Variants in ENPP6 observed in about 807,000 individuals in gnomAD.
ENPP6 encodes glycerophosphocholine cholinephosphodiesterase ENPP6.
In ENPP6, 32 loss-of-function variants were observed where a neutral mutation model predicts 42.0. The observed-to-expected ratio is 0.76, with a 90% CI of 0.58 to 1.02. The LOEUF is 1.02. Ranked by LOEUF, ENPP6 falls within the 50% of genes least tolerant of loss-of-function variation. The pLI is 0.00. For synonymous variants in ENPP6, 213 were observed against 216.0 expected (o/e 0.99, Z 0.12); for missense variants, 552 against 566.8 (o/e 0.97, Z 0.27).
intron 1 of ENPP6, among the ~76,000 whole-genome samples, chr4:184,189,756 G>T (rs761875634): frequency 6.6e-6 from 1 of 152,120 alleles, no homozygotes; most frequent in East Asian, 1.9e-4. Context: ...AAGCCACAAG[G>T]TTTAGATCTC....
chr4:184,117,174 A>G, intron 4 of ENPP6, 139 bp from the exon 5 acceptor site: 1 of 1,065,720 alleles, frequency 9.4e-7, no homozygotes, highest in East Asian at 2.6e-5. Context: ...TGCCCTGGTG[A>G]GACCCAGTTC....
At chr4:184,192,915 G>C (rs1247981251) in intron 1 of ENPP6, among the ~76,000 whole-genome samples, 1 of 152,114 alleles carries the variant, frequency 6.6e-6, no homozygotes, top group East Asian at 1.9e-4. Context: ...TCATAACCCT[G>C]GAATGGCTTT....
intron 1 of ENPP6, among the ~76,000 whole-genome samples, chr4:184,186,912 G>C (rs1043410854): frequency 2.0e-5 from 3 of 152,150 alleles, no homozygotes; most frequent in Non-Finnish European, 4.4e-5. Flanking sequence ...ACCCTCCAAA[G>C]GTGAGCCCCA....
At chr4:184,100,211 T>G (rs1735975343) in intron 6 of ENPP6, among the ~76,000 whole-genome samples, 1 of 152,242 alleles carries the variant, frequency 6.6e-6, no homozygotes, top group Non-Finnish European at 1.5e-5. Context: ...AACTGTGTGG[T>G]GTAAGTGATG....
intron 1 of ENPP6, among the ~76,000 whole-genome samples, chr4:184,200,098 G>A (rs890252961): frequency 2.6e-5 from 4 of 152,208 alleles, no homozygotes; most frequent in African/African-American, 9.7e-5. Context: ...CAGACCAATA[G>A]AAAGTGAAAG....
chr4:184,152,629 C>T (rs907900205), intron 2 of ENPP6, among the ~76,000 whole-genome samples: 2 of 152,204 alleles, frequency 1.3e-5, no homozygotes, highest in Non-Finnish European at 2.9e-5. Context: ...AAACTGACCA[C>T]TTACCTAAAT....
intron 1 of ENPP6, among the ~76,000 whole-genome samples, chr4:184,214,799 G>A (rs1335583036): frequency 6.6e-6 from 1 of 152,210 alleles, no homozygotes; most frequent in Admixed American, 6.5e-5. Context: ...CATGGACACA[G>A]GGAGGGGGAC....
chr4:184,196,937 C>G (rs1490176197), intron 1 of ENPP6, among the ~76,000 whole-genome samples: 2 of 152,192 alleles, frequency 1.3e-5, no homozygotes, highest in East Asian at 1.9e-4. Flanking sequence ...AAGACCCCCC[C>G]ACAGCTAGCC....
intron 2 of ENPP6, among the ~76,000 whole-genome samples, chr4:184,138,321 GC>G (rs906857585): frequency 2.6e-5 from 4 of 152,164 alleles, no homozygotes; most frequent in African/African-American, 9.7e-5. Context: ...TTCTTTGAAT[GC>G]CAAAATCACA....
At chr4:184,117,719 C>T (rs769245882) in intron 4 of ENPP6, 40 bp downstream of exon 4, 22 of 1,606,252 alleles carry the variant, frequency 1.4e-5, no homozygotes, top group Non-Finnish European at 1.9e-5. Context: ...CAGAGGGTGA[C>T]AGAGAGAAGG....
At chr4:184,154,990 A>C (rs1280180476) in intron 1 of ENPP6, among the ~76,000 whole-genome samples, 1 of 152,220 alleles carries the variant, frequency 6.6e-6, no homozygotes, top group African/African-American at 2.4e-5. Flanking sequence ...AATCTGAATA[A>C]ATGTCATGCC....
chr4:184,116,955 C>T lies in ENPP6; in HGVS notation c.756G>A (p.Val252=), dbSNP rs140503613. ...GGCTGATGTACTTATTCAGCTCAAT[C>T]ACTTTGTCCATCCAGAAAATGTCGG... ...GMTDIFWMDK[V]IELNKYISLN... Residue 252 remains valine (V), a synonymous_variant, in exon 5 of 8, where the codon GTG becomes GTA. Coordinates refer to ENST00000296741, the MANE Select transcript of ENPP6 (RefSeq NM_153343.4). 199 of 1,614,082 alleles carry T rather than the reference C, an allele frequency of 1.2e-4. No homozygotes were observed. The highest frequency in any genetic ancestry group is 1.6e-4 in the Middle Eastern group (1 of 6,082).
intron 1 of ENPP6, among the ~76,000 whole-genome samples, chr4:184,171,209 G>A (rs1465526335): frequency 6.6e-6 from 1 of 152,224 alleles, no homozygotes; most frequent in African/African-American, 2.4e-5. Context: ...GGATCTGCAG[G>A]CAGTTGATGC....
chr4:184,131,143 T>TTCTTTCTTTCTTTCTTTC (rs1736606083), intron 2 of ENPP6, among the ~76,000 whole-genome samples: 1 of 33,778 alleles, frequency 3.0e-5, no homozygotes, highest in Non-Finnish European at 6.0e-5. Flanking sequence ...AGCACTTACT[T>TTCTTTCTTTCTTTCTTTC]TCTTTCTTTC....
chr4:184,117,975 T>A, intron 3 of ENPP6, 75 bp from the exon 4 acceptor site: 1 of 1,523,090 alleles, frequency 6.6e-7, no homozygotes, highest in Non-Finnish European at 8.9e-7. Context: ...CCCATAGCAC[T>A]CTCTGAAGGT....
chr4:184,150,338 T>C (rs1291662947), intron 2 of ENPP6, among the ~76,000 whole-genome samples: 2 of 152,124 alleles, frequency 1.3e-5, no homozygotes, highest in African/African-American at 4.8e-5. Flanking sequence ...AAATATTGAC[T>C]TAATGGCGAA....
At chr4:184,116,471 A>C (rs1306798795) in intron 5 of ENPP6, among the ~76,000 whole-genome samples, 1 of 152,150 alleles carries the variant, frequency 6.6e-6, no homozygotes. Context: ...GTGGTGGCTC[A>C]CACCTGTAAT....
chr4:184,157,419 T>TTCTCTCTTTCCC lies in ENPP6; in HGVS notation c.242-3687_242-3686insGGGAAAGAGAGA, dbSNP rs149313850. On this transcript the variant is annotated intron_variant, in intron 1 of 7. Coordinates refer to ENST00000296741, the MANE Select transcript of ENPP6 (RefSeq NM_153343.4). ...AAATTCGTTCTTTCTCTTTCTTTCT[T>TTCTCTCTTTCCC]TCTTTCTTTCCTTTTCTTTCTTTCT... Among the ~76,000 whole-genome samples, 3 of 150,780 alleles carry TTCTCTCTTTCCC rather than the reference T, an allele frequency of 2.0e-5. No homozygotes were observed. The East Asian group carries it at 5.9e-4, about 30-fold the overall frequency.
chr4:184,123,663 C>G (rs571662881), intron 3 of ENPP6, among the ~76,000 whole-genome samples: 1 of 152,230 alleles, frequency 6.6e-6, no homozygotes, highest in South Asian at 2.1e-4. Context: ...TTACTAATTC[C>G]TACATTTTTC....
Sources: allele counts gnomAD v4.1 joint callset (sites outside exome capture counted in the v4.1 genomes callset), GRCh38; gene constraint gnomAD v4.1.1; transcripts MANE v1.5; gene names NCBI Gene and HGNC (gene_info 2026-07-23, HGNC 2026-07-21).